The following LRP1B variants were observed in gnomAD, a reference collection of about 807,000 sequenced individuals.
LRP1B encodes LDL receptor related protein 1B.
LRP1B carries 217 observed loss-of-function variants against 556.6 expected under a neutral mutation model. The observed-to-expected ratio is 0.39, with a 90% CI of 0.35 to 0.44. The LOEUF (loss-of-function observed/expected upper bound fraction) is 0.44, where lower values mean the gene tolerates loss of function less well. LRP1B is among the 20% of genes least tolerant of loss of function. LRP1B has a pLI of 1.00. For missense variants in LRP1B, 5,053 were observed against 5,620.8 expected (o/e 0.90, Z 3.23); for synonymous variants, 2,047 against 1,865.8 (o/e 1.10, Z -2.50).
rs1440591937 is a variant in LRP1B at position 140,502,975 on chromosome 2, A to C, written c.8650T>G (p.Cys2884Gly). 6.2e-7 allele frequency: 1 copy of C among 1,613,162 alleles called. No homozygotes were observed. The highest frequency in any genetic ancestry group is 1.1e-5 in the South Asian group (1 of 91,052). ...TATATTTCTGTACCTGCACTTTTAC[A>C]CTTTGGGTTTAAAGGTGCTTCATCA... ...HSDEAPLNPK[C>G]KSAEQSCNSS... Residue 2884 changes from cysteine to glycine, a missense_variant, in exon 54 of 91, where the codon TGT becomes GGT. Cys to Gly is a radical substitution (Grantham distance 159). This residue lies in a region of LRP1B where 3,619 missense variants were observed against 3,931.9 expected (regional missense o/e 0.92). Coordinates refer to ENST00000389484, the MANE Select transcript of LRP1B (RefSeq NM_018557.3).
intron 3 of LRP1B, among the ~76,000 whole-genome samples, chr2:141,402,972 A>AG (rs1369388758): frequency 2.6e-5 from 4 of 152,048 alleles, no homozygotes; most frequent in African/African-American, 7.2e-5. Flanking sequence ...TTTGAGTATG[A>AG]GATGGAGAGG....
intron 47 of LRP1B, among the ~76,000 whole-genome samples, chr2:140,527,662 A>G (rs1690494181): frequency 9.8e-6 from 1 of 102,512 alleles, no homozygotes; most frequent in Non-Finnish European, 2.0e-5. Context: ...AGATAAATGC[A>G]TTGTTCCAAA....
intron 86 of LRP1B, among the ~76,000 whole-genome samples, chr2:140,254,629 C>T (rs1681598487): frequency 6.6e-6 from 1 of 152,138 alleles, no homozygotes; most frequent in Admixed American, 6.5e-5. Context: ...TCTCGGCTCA[C>T]TGCAACCTCC....
At chr2:140,233,898 A>C (rs1035548677) in intron 90 of LRP1B, among the ~76,000 whole-genome samples, 8 of 151,486 alleles carry the variant, frequency 5.3e-5, no homozygotes, top group Middle Eastern at 3.4e-3. Context: ...TTTTCAAAGA[A>C]TTGTGATGTA....
In LRP1B at chr2:141,036,395, T is replaced by G. The variant is rs560850736; in HGVS notation, c.1789+12591A>C. On this transcript the variant is annotated intron_variant, in intron 11 of 90. Coordinates refer to ENST00000389484, the MANE Select transcript of LRP1B (RefSeq NM_018557.3). ...TGGAAACCTGAGAGAGATCCCTGAG[T>G]GTCTCACAAACATGAAACCCCATCC... Among the ~76,000 whole-genome samples, 279 of 152,016 alleles carry G rather than the reference T, an allele frequency of 1.8e-3. 1 individual carries two copies. Among genetic ancestry groups the G allele is most frequent in the Non-Finnish European group, 2.8e-3 (190 of 67,958 alleles).
At chr2:140,901,689 T>A (rs984713510) in intron 23 of LRP1B, among the ~76,000 whole-genome samples, 1 of 152,196 alleles carries the variant, frequency 6.6e-6, no homozygotes, top group Non-Finnish European at 1.5e-5. Flanking sequence ...GAATAAAGTG[T>A]TTCAAAAAGT....
chr2:141,875,972 A>G (rs1036701195), intron 1 of LRP1B, among the ~76,000 whole-genome samples: 1 of 152,058 alleles, frequency 6.6e-6, no homozygotes, highest in Admixed American at 6.6e-5. Flanking sequence ...TAAGAATTTT[A>G]CTTAAGATTT....
chr2:141,635,070 A>G (rs976827063), intron 2 of LRP1B, among the ~76,000 whole-genome samples: 4 of 151,972 alleles, frequency 2.6e-5, no homozygotes, highest in Non-Finnish European at 5.9e-5. Flanking sequence ...ACACACACCA[A>G]GTAAGCTTTT....
At chr2:140,551,666 T>A (rs1163498324) in intron 43 of LRP1B, among the ~76,000 whole-genome samples, 1 of 152,154 alleles carries the variant, frequency 6.6e-6, no homozygotes, top group Non-Finnish European at 1.5e-5. Context: ...CTAGCTTAGA[T>A]AAGAACCAAA....
At chr2:140,944,554 G>C (rs1260941947) in intron 20 of LRP1B, among the ~76,000 whole-genome samples, 1 of 152,108 alleles carries the variant, frequency 6.6e-6, no homozygotes, top group Non-Finnish European at 1.5e-5. Flanking sequence ...ACATTAAAAT[G>C]TTAATCCATC....
At chr2:140,447,503 GAGTT>G (rs1686712254) in intron 63 of LRP1B, among the ~76,000 whole-genome samples, 2 of 152,016 alleles carry the variant, frequency 1.3e-5, no homozygotes, top group African/African-American at 2.4e-5. Flanking sequence ...AATTAAATAA[GAGTT>G]AGGTAGGGCC....
chr2:141,700,738 G>A (rs184685531), intron 2 of LRP1B, among the ~76,000 whole-genome samples: 209 of 151,736 alleles, frequency 1.4e-3, no homozygotes, highest in African/African-American at 4.8e-3. Flanking sequence ...AATATTACAC[G>A]AACTTTCCAT....
At chr2:140,655,702 G>C (rs6754739) in intron 41 of LRP1B, among the ~76,000 whole-genome samples, 6,073 of 152,270 alleles carry the variant, frequency 0.04, 382 homozygotes, top group African/African-American at 0.14. Context: ...CAGCACTTTG[G>C]GGGGCCGAGG....
intron 25 of LRP1B, among the ~76,000 whole-genome samples, chr2:140,880,321 C>T (rs988039631): frequency 6.6e-6 from 1 of 152,140 alleles, no homozygotes; most frequent in African/African-American, 2.4e-5. Context: ...GCTTGTTACT[C>T]TCTAATAATA....
intron 1 of LRP1B, among the ~76,000 whole-genome samples, chr2:141,812,952 G>T (rs573332802): frequency 2.0e-5 from 3 of 152,096 alleles, no homozygotes; most frequent in African/African-American, 7.2e-5. Context: ...AAAAAGACTG[G>T]GTTCATGTGT....
intron 3 of LRP1B, among the ~76,000 whole-genome samples, chr2:141,376,150 T>C (rs758141641): frequency 2.0e-5 from 3 of 152,142 alleles, no homozygotes; most frequent in African/African-American, 4.8e-5. Context: ...GCTTTCAAAA[T>C]AGCACTCAGC....
Position 140,840,100 on chromosome 2 carries a change from C to G in LRP1B, c.5115-15G>C, listed in dbSNP as rs1355665171. Reference sequence around the variant, plus strand: ...AGTAGAGTTTTCTTAATTCAAAAGACATATGGATTGAAAATATTAGATGTA... The same window carrying G: ...AGTAGAGTTTTCTTAATTCAAAAGAGATATGGATTGAAAATATTAGATGTA... On this transcript the variant is annotated splice_polypyrimidine_tract_variant and intron_variant, in intron 30 of 90. Coordinates refer to ENST00000389484, the MANE Select transcript of LRP1B (RefSeq NM_018557.3). The G allele has an allele frequency of 6.7e-7, 1 of 1,491,720 alleles. No individual in the cohort carries two copies. Among genetic ancestry groups the G allele is most frequent in the African/African-American group, 1.4e-5 (1 of 71,136 alleles). The allele number at this position is 1,491,720 out of a possible 1,614,324, so 92.4% of individuals were successfully genotyped here.
intron 7 of LRP1B, among the ~76,000 whole-genome samples, chr2:141,082,116 A>G (rs1699937884): frequency 1.3e-5 from 1 of 76,054 alleles, no homozygotes; most frequent in South Asian, 4.4e-4. Flanking sequence ...CTATAGCTCC[A>G]TTCCAAGACA....
At chr2:140,855,296 T>C (rs1221575523) in intron 27 of LRP1B, among the ~76,000 whole-genome samples, 1 of 134,908 alleles carries the variant, frequency 7.4e-6, no homozygotes, top group Non-Finnish European at 1.6e-5. Flanking sequence ...AACTAATCTT[T>C]GATATCTAGT....
Sources: allele counts gnomAD v4.1 joint callset (sites outside exome capture counted in the v4.1 genomes callset), GRCh38; gene constraint gnomAD v4.1.1; regional missense constraint gnomAD v4.1.1; transcripts MANE v1.5; gene names NCBI Gene and HGNC (gene_info 2026-07-23, HGNC 2026-07-21).